CELF5: variants seen among roughly 807,000 people sequenced by gnomAD.
CELF5 encodes the protein CUGBP Elav-like family member 5.
CELF5 carries 6 observed loss-of-function variants against 54.9 expected under a neutral mutation model. The ratio of observed to expected loss-of-function variants is 0.11; its 90% CI spans 0.06 to 0.22. The LOEUF (loss-of-function observed/expected upper bound fraction) is 0.22, where lower values mean the gene tolerates loss of function less well. Ranked by LOEUF, CELF5 falls within the 10% of genes least tolerant of loss-of-function variation. The pLI is 1.00. For missense variants in CELF5, 401 were observed against 678.6 expected (o/e 0.59, Z 4.54); for synonymous variants, 271 against 290.9 (o/e 0.93, Z 0.70).
rs748797252 is a variant in CELF5, at chr19:3,275,965, G to A, written c.504G>A (p.Gly168=). Residue 168 remains glycine (G), a synonymous_variant, in exon 4 of 13, where the codon GGG becomes GGA. Transcript: ENST00000292672. This position sits in a 1 kb window ranked among gnomAD's most constrained non-coding sequence, Gnocchi z 6.7. The part of the protein sequence containing the change: ...GVIDECTVLR[G]PDGSSKGCAF... Reference sequence around the variant, plus strand: ...TTGACGAGTGCACCGTGCTCCGGGGGCCTGACGGCAGCAGCAAAGGTGACT... The same window carrying A: ...TTGACGAGTGCACCGTGCTCCGGGGACCTGACGGCAGCAGCAAAGGTGACT... 15 of 1,603,640 alleles carry A rather than the reference G, an allele frequency of 9.4e-6. No individual in the cohort carries two copies. The highest frequency in any genetic ancestry group is 1.7e-4 in the Middle Eastern group (1 of 5,962).
Position 3,282,237 on chromosome 19 carries a change from C to A in CELF5, c.862C>A (p.Leu288Met). Reference protein sequence around the residue: ...QQIGAVSLNGLPATPIAPASG... With the variant: ...QQIGAVSLNGMPATPIAPASG... Reference sequence around the variant, plus strand: ...GATAGGCGCCGTCAGCCTCAACGGGCTGCCTGCCACACCCATCGCTCCTGC... The same window carrying A: ...GATAGGCGCCGTCAGCCTCAACGGGATGCCTGCCACACCCATCGCTCCTGC... The change falls in exon 7 of 13, where the codon CTG (leucine) becomes ATG (methionine). Residue 288 changes from leucine to methionine, a missense_variant. Leu to Met is a conservative substitution (Grantham distance 15). Around this residue, in one of 6 missense-constraint regions of CELF5, gnomAD observed 143 missense variants for 147.6 expected, o/e 0.97. Transcript: ENST00000292672. The surrounding 1 kb of genome is among the most constrained non-coding windows in gnomAD (Gnocchi z 5.2). The A allele has an allele frequency of 1.9e-6, 3 of 1,613,160 alleles. No individual in the cohort carries two copies. The highest frequency in any genetic ancestry group is 2.5e-6 in the Non-Finnish European group (3 of 1,180,016).
Position 3,281,448 on chromosome 19 carries a change from G to GGAGAT in CELF5, c.750+104_750+105insAGATG. 3 of 1,360,976 alleles carry GGAGAT rather than the reference G, an allele frequency of 2.2e-6. No individual in the cohort carries two copies. Among genetic ancestry groups the GGAGAT allele is most frequent in the Non-Finnish European group, 3.0e-6 (3 of 992,324 alleles). The allele number at this position is 1,360,976 out of a possible 1,614,324, so 84.3% of individuals were successfully genotyped here. A position where few individuals can be genotyped will look rare whatever the true frequency, so the allele number is the denominator to read the frequency against. On this transcript the variant is annotated intron_variant, in intron 6 of 12. Coordinates refer to ENST00000292672, the MANE Select transcript of CELF5 (RefSeq NM_021938.4). The surrounding 1 kb of genome is among the most constrained non-coding windows in gnomAD (Gnocchi z 6.5). Reference sequence around the variant, plus strand: ...CTCTCCCTCCATCTCCCTGACTCAGGGTCCTCTCCTGGCGTGGCTGAACCC... The same window carrying GGAGAT: ...CTCTCCCTCCATCTCCCTGACTCAGGGAGATGTCCTCTCCTGGCGTGGCTGAACCC...
Position 3,228,886 on chromosome 19 carries a change from G to A in CELF5, c.259+3888G>A, listed in dbSNP as rs1044699668. 5.2e-3 allele frequency among the ~76,000 whole-genome samples: 775 copies of A among 148,074 alleles called. 6 individuals carry two copies. The highest frequency in any genetic ancestry group is 0.018 in the African/African-American group (735 of 40,466). On this transcript the variant is annotated intron_variant, in intron 1 of 12. Coordinates refer to ENST00000292672, the MANE Select transcript of CELF5 (RefSeq NM_021938.4). The surrounding 1 kb of genome is among the most constrained non-coding windows in gnomAD (Gnocchi z 6.0). ...GCAGGGTTGGCCGGCGTGTGTGTGT[G>A]TGTGTGTGTGTGTGTGTGTGTGTGT...
intron 2 of CELF5, among the ~76,000 whole-genome samples, chr19:3,252,244 C>T (rs972904604): frequency 5.9e-5 from 9 of 151,396 alleles, no homozygotes; most frequent in Non-Finnish European, 1.0e-4. Context: ...TTATATTGCC[C>T]GGGCTGATCC....
At chr19:3,259,123 G>A (rs1170455941) in intron 2 of CELF5, among the ~76,000 whole-genome samples, 1 of 152,174 alleles carries the variant, frequency 6.6e-6, no homozygotes, top group African/African-American at 2.4e-5. Context: ...AGATGGAGGT[G>A]GAGATGGGGG....
chr19:3,279,441 G>C (rs1337524021), intron 5 of CELF5, among the ~76,000 whole-genome samples: 1 of 152,146 alleles, frequency 6.6e-6, no homozygotes, highest in Non-Finnish European at 1.5e-5. Flanking sequence ...ACCCAGGGGA[G>C]GGGCTTAGTT....
rs781364119 is a variant in CELF5, at chr19:3,233,456, ATG to A, written c.259+8464_259+8465del. ...GCTGCTGTGAACAAACAAACTAAAG[ATG>A]TGTGTTGGGAGATGACAGCTTTCCT... On this transcript the variant is annotated intron_variant, in intron 1 of 12. Coordinates refer to ENST00000292672, the MANE Select transcript of CELF5 (RefSeq NM_021938.4). 6.6e-5 allele frequency among the ~76,000 whole-genome samples: 10 copies of A among 152,316 alleles called. No homozygotes were observed. In the South Asian group the frequency reaches 1.9e-3, roughly 28 times the overall value.
Position 3,282,037 on chromosome 19 carries a change from T to TAGTGACCCAGC in CELF5, c.751-89_751-88insAGTGACCCAGC. 2 of 1,470,974 alleles carry TAGTGACCCAGC rather than the reference T, an allele frequency of 1.4e-6. No homozygotes were observed. The highest frequency in any genetic ancestry group is 2.8e-5 in the African/African-American group (2 of 72,220). 91.1% of individuals were successfully genotyped at this position (1,470,974 alleles called of 1,614,324 possible). On this transcript the variant is annotated intron_variant, in intron 6 of 12. Transcript: ENST00000292672. The surrounding 1 kb of genome is among the most constrained non-coding windows in gnomAD (Gnocchi z 5.2). ...AGCCAAGATACCCAGCCTGACCTCC[T>TAGTGACCCAGC]CACTAGTAACTGGGGTACCAAGCCT...
At chr19:3,229,709 C>A (rs1917154911) in intron 1 of CELF5, among the ~76,000 whole-genome samples, 1 of 152,226 alleles carries the variant, frequency 6.6e-6, no homozygotes, top group Admixed American at 6.5e-5. Flanking sequence ...GGGCCGGGCA[C>A]AGAGTATGTG....
intron 2 of CELF5, among the ~76,000 whole-genome samples, chr19:3,269,134 C>T (rs753917787): frequency 3.9e-5 from 6 of 152,032 alleles, no homozygotes; most frequent in Non-Finnish European, 7.4e-5. Context: ...CACCTTCCTT[C>T]CTTCTCTCCA....
chr19:3,291,987 C>T (rs367563755), intron 11 of CELF5, among the ~76,000 whole-genome samples: 88 of 152,150 alleles, frequency 5.8e-4, no homozygotes, highest in African/African-American at 2.0e-3. Context: ...ACTCTTGTTG[C>T]CCAGGCTGGA....
At chr19:3,257,884 T>C (rs532982316) in intron 2 of CELF5, among the ~76,000 whole-genome samples, 1 of 151,684 alleles carries the variant, frequency 6.6e-6, no homozygotes, top group Admixed American at 6.6e-5. Flanking sequence ...AGTGGTGCGA[T>C]CATAGCTCAC....
Position 3,271,717 on chromosome 19 carries a change from G to A in CELF5, c.343-2155G>A, listed in dbSNP as rs1486741332. The stretch of plus-strand genomic sequence containing the variant: ...TCAGCGAGAGGAGGGAAGCTGAGGG[G>A]GTGGGAGGTGGAAATCCAGAGGGGT... On this transcript the variant is annotated intron_variant, in intron 2 of 12. Coordinates refer to ENST00000292672, the MANE Select transcript of CELF5 (RefSeq NM_021938.4). Among the ~76,000 whole-genome samples, 4 of 152,136 alleles carry A rather than the reference G, an allele frequency of 2.6e-5. No homozygotes were observed. In the East Asian group the frequency reaches 5.8e-4, roughly 22 times the overall value.
intron 2 of CELF5, among the ~76,000 whole-genome samples, chr19:3,264,017 G>T (rs1246168895): frequency 6.6e-6 from 1 of 152,160 alleles, no homozygotes; most frequent in Non-Finnish European, 1.5e-5. Context: ...TACCCAGCCG[G>T]TCCTCTGGAA....
chr19:3,225,019 C>T, intron 1 of CELF5, 21 bp downstream of exon 1: 1 of 1,358,094 alleles, frequency 7.4e-7, no homozygotes. Flanking sequence ...GGCCCCCTCC[C>T]CCCTCTCCCC....
intron 3 of CELF5, among the ~76,000 whole-genome samples, chr19:3,274,497 G>A (rs570731635): frequency 1.3e-5 from 2 of 152,286 alleles, no homozygotes; most frequent in East Asian, 1.9e-4. Context: ...TGCCCAGCCC[G>A]CGCATGGGTG....
intron 2 of CELF5, among the ~76,000 whole-genome samples, chr19:3,265,239 G>T (rs750760533): frequency 2.4e-4 from 37 of 152,280 alleles, no homozygotes; most frequent in Non-Finnish European, 4.6e-4. Flanking sequence ...TGAGGAGGCT[G>T]AGGTGGGAGG....
intron 2 of CELF5, among the ~76,000 whole-genome samples, chr19:3,266,489 T>C (rs2079884296): frequency 6.6e-6 from 1 of 151,850 alleles, no homozygotes; most frequent in African/African-American, 2.4e-5. Context: ...TGTATCAGCG[T>C]CTTGGGCGTT....
At chr19:3,263,067 G>A (rs1288202364) in intron 2 of CELF5, among the ~76,000 whole-genome samples, 1 of 151,734 alleles carries the variant, frequency 6.6e-6, no homozygotes, top group Non-Finnish European at 1.5e-5. Flanking sequence ...CCAACATGGT[G>A]AAACTCCGTC....
Sources: allele counts gnomAD v4.1 joint callset (sites outside exome capture counted in the v4.1 genomes callset), GRCh38; gene constraint gnomAD v4.1.1; regional missense constraint gnomAD v4.1.1; non-coding constraint Gnocchi (gnomAD v3.1); transcripts MANE v1.5; gene names NCBI Gene and HGNC (gene_info 2026-07-23, HGNC 2026-07-21).